The following MYO16 variants were observed in gnomAD, a reference collection of about 807,000 sequenced individuals.
MYO16 encodes unconventional myosin-XVI.
In MYO16, 94 loss-of-function variants were observed where a neutral mutation model predicts 205.3. The observed-to-expected ratio is 0.46, with a 90% CI of 0.39 to 0.54. MYO16 has a LOEUF of 0.54. Among genes scored for constraint, MYO16 ranks in the 20% least tolerant of loss-of-function variants. The pLI is 0.00. For synonymous variants in MYO16, 988 were observed against 954.0 expected, an observed-to-expected ratio of 1.04 and a Z score of -0.66; for missense variants, 2,315 against 2,387.5, an observed-to-expected ratio of 0.97 and a Z score of 0.63.
At chr13:108,695,107 C>T (rs998105686) in intron 2 of MYO16, among the ~76,000 whole-genome samples, 9 of 152,028 alleles carry the variant, frequency 5.9e-5, no homozygotes, top group Admixed American at 2.6e-4. Context: ...AGTGAAACTC[C>T]GTTTCAAAAA....
chr13:108,532,633 A>G, the MYO16 span, among the ~76,000 whole-genome samples: 2 of 151,762 alleles, frequency 1.3e-5, no homozygotes, highest in Admixed American at 1.3e-4. Flanking sequence ...ATCTCTACAC[A>G]ATTAAAAATT....
chr13:108,740,992 A>G (rs1566581194), intron 4 of MYO16, among the ~76,000 whole-genome samples: 1 of 152,108 alleles, frequency 6.6e-6, no homozygotes, highest in Non-Finnish European at 1.5e-5. Flanking sequence ...AAAGTGCAGT[A>G]TTAGGGTGGG....
intron 16 of MYO16, among the ~76,000 whole-genome samples, chr13:108,918,619 T>C (rs1010927876): frequency 1.3e-5 from 2 of 152,168 alleles, no homozygotes; most frequent in Non-Finnish European, 2.9e-5. Context: ...CTGTTTGTCC[T>C]TGAGGAGGTG....
chr13:108,915,423 A>C (rs1881453737), intron 16 of MYO16, among the ~76,000 whole-genome samples: 1 of 152,200 alleles, frequency 6.6e-6, no homozygotes, highest in Non-Finnish European at 1.5e-5. Flanking sequence ...ACACAAACAC[A>C]AATGCTTGTT....
chr13:108,584,802 C>T, the MYO16 span, among the ~76,000 whole-genome samples: 26 of 152,130 alleles, frequency 1.7e-4, no homozygotes, highest in Non-Finnish European at 1.0e-4. Flanking sequence ...TGATGTGCAA[C>T]AATGATTACC....
intron 17 of MYO16, among the ~76,000 whole-genome samples, chr13:108,958,368 T>C (rs1883461700): frequency 6.6e-6 from 1 of 151,736 alleles, no homozygotes; most frequent in Non-Finnish European, 1.5e-5. Context: ...CACTTGAAAA[T>C]TAACATAATC....
chr13:108,988,609 G>A (rs566725811), intron 20 of MYO16, among the ~76,000 whole-genome samples: 176 of 152,034 alleles, frequency 1.2e-3, no homozygotes, highest in Non-Finnish European at 2.2e-3. Flanking sequence ...ACCCACACAT[G>A]CCACAGTGGC....
chr13:109,045,190 C>T (rs1203175282), intron 23 of MYO16, among the ~76,000 whole-genome samples: 1 of 152,156 alleles, frequency 6.6e-6, no homozygotes, highest in Admixed American at 6.5e-5. Flanking sequence ...GAAGCCAAGC[C>T]TCTAGATGGA....
intron 27 of MYO16, among the ~76,000 whole-genome samples, chr13:109,075,102 T>C (rs1386876402): frequency 1.3e-5 from 2 of 152,216 alleles, no homozygotes; most frequent in Non-Finnish European, 2.9e-5. Flanking sequence ...TTGATAGATA[T>C]TTGGGTTTTC....
intron 2 of MYO16, among the ~76,000 whole-genome samples, chr13:108,683,939 G>C (rs933576866): frequency 1.3e-5 from 2 of 152,140 alleles, no homozygotes; most frequent in Non-Finnish European, 2.9e-5. Context: ...GCAGTGGCGC[G>C]ATCTCGGCTC....
chr13:108,776,273 G>A (rs558352749), intron 4 of MYO16, among the ~76,000 whole-genome samples: 1 of 152,156 alleles, frequency 6.6e-6, no homozygotes, highest in African/African-American at 2.4e-5. Context: ...CATGAATTGG[G>A]AAGTCAGGGG....
Position 108,760,128 on chromosome 13 carries a change from C to T in MYO16, c.508-25507C>T, listed in dbSNP as rs377341083. 3.3e-5 allele frequency among the ~76,000 whole-genome samples: 5 copies of T among 152,274 alleles called. No homozygotes were observed. In the East Asian group the frequency reaches 7.7e-4, roughly 24 times the overall value. The stretch of plus-strand genomic sequence containing the variant: ...AGTAAAGCATTGCTAACTATAATTT[C>T]CCTACCACACTATCGAATACTAGAA... On this transcript the variant is annotated intron_variant, in intron 4 of 34. Coordinates refer to ENST00000457511, the MANE Select transcript of MYO16 (RefSeq NM_001198950.3).
chr13:109,152,632 C>A (rs751971496), intron 32 of MYO16, among the ~76,000 whole-genome samples: 1 of 152,150 alleles, frequency 6.6e-6, no homozygotes, highest in Admixed American at 6.5e-5. Flanking sequence ...AGCTGCTAAT[C>A]GGAATACATT....
chr13:108,996,136 T>G (rs894775464), intron 21 of MYO16, among the ~76,000 whole-genome samples: 1 of 152,234 alleles, frequency 6.6e-6, no homozygotes, highest in Non-Finnish European at 1.5e-5. Context: ...TGCACATGTA[T>G]GTTTATTGCG....
At chr13:108,561,156 C>A in the MYO16 span, among the ~76,000 whole-genome samples, 1 of 152,288 alleles carries the variant, frequency 6.6e-6, no homozygotes, top group South Asian at 2.1e-4. Flanking sequence ...ATGCCTCTCT[C>A]AGATATTAAA....
chr13:109,023,234 A>AT (rs1162505780), intron 23 of MYO16, among the ~76,000 whole-genome samples: 1 of 109,414 alleles, frequency 9.1e-6, no homozygotes, highest in Non-Finnish European at 1.7e-5. Context: ...TATATTATAC[A>AT]GATATAAATA....
chr13:108,803,191 G>C (rs1887016578), intron 6 of MYO16, among the ~76,000 whole-genome samples: 1 of 152,268 alleles, frequency 6.6e-6, no homozygotes, highest in East Asian at 1.9e-4. Flanking sequence ...ACCAGGCGGG[G>C]CCATCTTGGT....
intron 29 of MYO16, 33 bp downstream of exon 29, chr13:109,120,499 TTTGAG>T (rs778118242): frequency 1.3e-6 from 2 of 1,554,216 alleles, no homozygotes; most frequent in Non-Finnish European, 1.8e-6. Context: ...TCTGAATTTA[TTTGAG>T]TTGTGAAATG....
chr13:108,639,856 C>T (rs1052262019), intron 1 of MYO16, among the ~76,000 whole-genome samples: 6 of 152,162 alleles, frequency 3.9e-5, no homozygotes, highest in African/African-American at 1.4e-4. Context: ...ACCTTAAGGC[C>T]TTGGGACGAC....
Sources: gnomAD v4.1 joint callset for allele counts (sites outside exome capture counted in the v4.1 genomes callset) on GRCh38, gnomAD v4.1.1 for gene constraint, MANE v1.5 for transcripts, NCBI Gene and HGNC (gene_info 2026-07-23, HGNC 2026-07-21) for gene names.